Variants in OPCML observed in about 807,000 individuals in gnomAD.
The protein encoded by OPCML is opioid binding protein/cell adhesion molecule like, also known as opioid-binding protein/cell adhesion molecule.
OPCML carries 13 observed loss-of-function variants against 37.8 expected under a neutral mutation model. The observed-to-expected ratio is 0.34, with a 90% CI of 0.22 to 0.55. The LOEUF (loss-of-function observed/expected upper bound fraction) is 0.55. Among genes scored for constraint, OPCML ranks in the 20% least tolerant of loss-of-function variants. The pLI is 0.91. For missense variants in OPCML, 341 were observed against 435.6 expected, an observed-to-expected ratio of 0.78 and a Z score of 1.93; for synonymous variants, 176 against 168.8, an observed-to-expected ratio of 1.04 and a Z score of -0.33.
chr11:132,899,520 G>A (rs570378534), intron 2 of OPCML, among the ~76,000 whole-genome samples: 1 of 152,128 alleles, frequency 6.6e-6, no homozygotes, highest in Non-Finnish European at 1.5e-5. Flanking sequence ...CACGTTAGGT[G>A]GAACTATTTC....
chr11:132,576,902 G>A (rs530330716), intron 3 of OPCML, among the ~76,000 whole-genome samples: 21 of 152,236 alleles, frequency 1.4e-4, no homozygotes, highest in African/African-American at 4.1e-4. Context: ...AAGCTGCCAC[G>A]TCCACTCTCT....
Position 132,423,951 on chromosome 11 carries a change from T to C in OPCML, c.917-3658A>G, listed in dbSNP as rs74788798. On this transcript the variant is annotated intron_variant, in intron 7 of 7. Coordinates refer to ENST00000524381, the MANE Select transcript of OPCML (RefSeq NM_001012393.5). ...GATTGAGTACAGTTTTCTTAGAGCA[T>C]GGCCTCGGCTGGTAACAGCTGCATG... 4.4e-3 allele frequency among the ~76,000 whole-genome samples: 668 copies of C among 152,302 alleles called. 2 individuals carry two copies. The highest frequency in any genetic ancestry group is 0.016 in the African/African-American group (646 of 41,550).
In OPCML at chr11:132,992,097, G is replaced by A. The variant is rs114340227; in HGVS notation, c.62-49087C>T. On this transcript the variant is annotated intron_variant, in intron 1 of 7. Transcript: ENST00000524381. ...CCATTGTATTGATGAAGAAGCTAAG[G>A]TTCAGAAATGCTAAGTTATCTTCCC... Among the ~76,000 whole-genome samples, 523 of 152,080 alleles carry A rather than the reference G, an allele frequency of 3.4e-3. 4 individuals are homozygous for A. The highest frequency in any genetic ancestry group is 0.012 in the African/African-American group (503 of 41,486).
intron 1 of OPCML, among the ~76,000 whole-genome samples, chr11:133,231,021 G>A (rs1940252958): frequency 6.6e-6 from 1 of 152,180 alleles, no homozygotes; most frequent in Non-Finnish European, 1.5e-5. Context: ...TTAATAATAA[G>A]GGGCTGTCTG....
intron 1 of OPCML, among the ~76,000 whole-genome samples, chr11:133,453,445 G>T (rs1418681207): frequency 1.3e-5 from 2 of 152,100 alleles, no homozygotes; most frequent in Non-Finnish European, 2.9e-5. Flanking sequence ...TTTTCATAGG[G>T]TACAATTTAT....
chr11:132,560,798 G>A (rs891662499), intron 3 of OPCML, among the ~76,000 whole-genome samples: 4 of 151,996 alleles, frequency 2.6e-5, no homozygotes, highest in Non-Finnish European at 4.4e-5. Flanking sequence ...TGAGTTCTTT[G>A]TACATTCTGG....
intron 1 of OPCML, among the ~76,000 whole-genome samples, chr11:133,167,488 G>A (rs1422787048): frequency 2.0e-5 from 3 of 151,290 alleles, no homozygotes; most frequent in Admixed American, 6.6e-5. Flanking sequence ...TCAAAGGTTA[G>A]CAATGTCTCT....
At chr11:133,489,034 A>T (rs1947595206) in intron 1 of OPCML, among the ~76,000 whole-genome samples, 1 of 151,888 alleles carries the variant, frequency 6.6e-6, no homozygotes, top group African/African-American at 2.4e-5. Context: ...CCATATGCAG[A>T]AGAATGAAAC....
chr11:133,251,072 A>T (rs1592141531), intron 1 of OPCML, among the ~76,000 whole-genome samples: 2 of 152,140 alleles, frequency 1.3e-5, no homozygotes, highest in Non-Finnish European at 1.5e-5. Context: ...ACCCGTGGTC[A>T]CTCTTAGAAC....
chr11:132,733,217 T>C (rs555599361), intron 2 of OPCML, among the ~76,000 whole-genome samples: 86 of 151,998 alleles, frequency 5.7e-4, no homozygotes, highest in Non-Finnish European at 9.7e-4. Flanking sequence ...TCCTTGAGAA[T>C]GATAGTTAAA....
chr11:132,519,057 C>T (rs549152914), intron 4 of OPCML, among the ~76,000 whole-genome samples: 24 of 152,294 alleles, frequency 1.6e-4, no homozygotes, highest in Admixed American at 3.3e-4. Flanking sequence ...AGCCTAATTT[C>T]CAGCTGTCCC....
At chr11:132,978,643 C>G (rs1946516152) in intron 1 of OPCML, among the ~76,000 whole-genome samples, 1 of 152,146 alleles carries the variant, frequency 6.6e-6, no homozygotes. Context: ...AAGGAAATAT[C>G]CAGGGTGAGG....
chr11:132,870,944 T>A (rs1942772453), intron 2 of OPCML, among the ~76,000 whole-genome samples: 1 of 152,132 alleles, frequency 6.6e-6, no homozygotes, highest in Non-Finnish European at 1.5e-5. Context: ...ACAGAAAATT[T>A]TAGTTGAACA....
At chr11:133,449,633 G>A (rs760186077) in intron 1 of OPCML, among the ~76,000 whole-genome samples, 9 of 151,792 alleles carry the variant, frequency 5.9e-5, no homozygotes, top group Non-Finnish European at 1.3e-4. Context: ...CGCTTGTAGC[G>A]GCATCACTCC....
intron 4 of OPCML, among the ~76,000 whole-genome samples, chr11:132,521,548 C>A (rs1225736645): frequency 6.6e-6 from 1 of 151,946 alleles, no homozygotes; most frequent in Non-Finnish European, 1.5e-5. Flanking sequence ...GAACAGAAAA[C>A]CAAATACTGC....
chr11:133,264,105 A>G (rs1941576200), intron 1 of OPCML, among the ~76,000 whole-genome samples: 1 of 152,240 alleles, frequency 6.6e-6, no homozygotes, highest in Non-Finnish European at 1.5e-5. Flanking sequence ...AAAAACAGAA[A>G]GAAAAGTCAA....
intron 2 of OPCML, among the ~76,000 whole-genome samples, chr11:132,751,658 T>C (rs1945838742): frequency 6.6e-6 from 1 of 152,212 alleles, no homozygotes; most frequent in African/African-American, 2.4e-5. Flanking sequence ...GAAACTGAAA[T>C]TCTGAGAACT....
At chr11:133,502,859 G>C (rs144199151) in intron 1 of OPCML, among the ~76,000 whole-genome samples, 5 of 152,288 alleles carry the variant, frequency 3.3e-5, no homozygotes, top group Middle Eastern at 3.4e-3. Context: ...ACAGAAGAAG[G>C]CCTTCTGGAT....
At chr11:133,184,579 ATCTAC>A (rs1183665278) in intron 1 of OPCML, among the ~76,000 whole-genome samples, 1 of 152,100 alleles carries the variant, frequency 6.6e-6, no homozygotes, top group Non-Finnish European at 1.5e-5. Flanking sequence ...GCCCTCCGTT[ATCTAC>A]TCATAAAAAT....
Sources: allele counts gnomAD v4.1 joint callset (sites outside exome capture counted in the v4.1 genomes callset), GRCh38; gene constraint gnomAD v4.1.1; transcripts MANE v1.5; gene names NCBI Gene and HGNC (gene_info 2026-07-23, HGNC 2026-07-21).